GNAS: variants seen among roughly 807,000 people sequenced by gnomAD.
GNAS encodes protein ALEX.
In GNAS, 8 loss-of-function variants were observed where a neutral mutation model predicts 54.5. The ratio of observed to expected loss-of-function variants is 0.15; its 90% CI spans 0.09 to 0.26. The LOEUF (loss-of-function observed/expected upper bound fraction) is 0.26, where lower values mean the gene tolerates loss of function less well. GNAS is among the 10% of genes least tolerant of loss of function. The pLI is 1.00. For missense variants in GNAS, 170 were observed against 529.8 expected, an observed-to-expected ratio of 0.32 and a Z score of 6.67; for synonymous variants, 204 against 191.4, an observed-to-expected ratio of 1.07 and a Z score of -0.54.
chr20:58,865,730 C>T (rs1008821482), intron 1 of GNAS, among the ~76,000 whole-genome samples: 20 of 151,454 alleles, frequency 1.3e-4, no homozygotes, highest in South Asian at 4.2e-4. Context: ...CATGAGCCAC[C>T]GTGTCCAACC....
intron 3 of GNAS, chr20:58,899,505 C>T (rs1171020059): frequency 5.5e-6 from 3 of 542,808 alleles, no homozygotes; most frequent in Middle Eastern, 3.1e-4. Context: ...CGAAAAGCCT[C>T]TGGCCTTTTA....
chr20:58,864,416 T>C (rs1329273113), intron 1 of GNAS, among the ~76,000 whole-genome samples: 3 of 152,148 alleles, frequency 2.0e-5, no homozygotes, highest in Non-Finnish European at 2.9e-5. Context: ...TTTCTGTGGC[T>C]CTACTAGGGC....
At chr20:58,870,158 G>A (rs12625436) in intron 1 of GNAS, among the ~76,000 whole-genome samples, 51,163 of 152,116 alleles carry the variant, frequency 0.34, 10,337 homozygotes, top group East Asian at 0.64. Context: ...TCTCTCTTAA[G>A]ATTGTAAAGT....
rs866834966 is a variant in GNAS at position 58,910,814 on chromosome 20, G to A, written c.1170G>A (p.Gln390=). 3 of 1,614,132 alleles carry A rather than the reference G, an allele frequency of 1.9e-6. No individual in the cohort carries two copies. The highest frequency in any genetic ancestry group is 1.7e-6 in the Non-Finnish European group (2 of 1,179,982). ...TCATTCAGCGCATGCACCTTCGTCAGTACGAGCTGCTCTAAGAAGGGAACC... is the reference window on the plus strand; with the variant it reads ...TCATTCAGCGCATGCACCTTCGTCAATACGAGCTGCTCTAAGAAGGGAACC... ...RDIIQRMHLR[Q]YELL is the part of the protein sequence containing the mutation. The change falls in exon 13 of 13, where the codon CAG becomes CAA. Residue 390 remains glutamine, a synonymous_variant. Transcript: ENST00000371085. This position sits in a 1 kb window ranked among gnomAD's most constrained non-coding sequence, Gnocchi z 5.8.
upstream of GNAS, among the ~76,000 whole-genome samples, chr20:58,891,053 C>A (rs1331712949): frequency 3.3e-5 from 5 of 150,248 alleles, no homozygotes; most frequent in Non-Finnish European, 7.4e-5. Flanking sequence ...GCGTTGGCGT[C>A]GTGCGAGGGG....
chr20:58,881,565 A>G (rs2088223192), intron 1 of GNAS, among the ~76,000 whole-genome samples: 1 of 152,042 alleles, frequency 6.6e-6, no homozygotes, highest in African/African-American at 2.4e-5. Flanking sequence ...TTCCCCTCTT[A>G]CTACATGCTG....
At chr20:58,877,158 T>TC (rs397826480) in intron 1 of GNAS, among the ~76,000 whole-genome samples, 1 of 150,660 alleles carries the variant, frequency 6.6e-6, no homozygotes, top group Non-Finnish European at 1.5e-5. Flanking sequence ...ATTTTTTTTT[T>TC]CCGGTTTTTA....
chr20:58,886,207 G>T (rs1288798294), intron 1 of GNAS, among the ~76,000 whole-genome samples: 3 of 152,228 alleles, frequency 2.0e-5, no homozygotes, highest in East Asian at 3.8e-4. Context: ...CCTGATGTGG[G>T]ACGTTGTTCA....
At chr20:58,890,048 GAAGAACCCC>G (rs2088992075), upstream of GNAS, among the ~76,000 whole-genome samples, 1 of 151,678 alleles carries the variant, frequency 6.6e-6, no homozygotes, top group Non-Finnish European at 1.5e-5. Flanking sequence ...AGAAGCTCGC[GAAGAACCCC>G]AAGAACCCGG....
At chr20:58,871,160 C>T (rs1212330930) in intron 1 of GNAS, among the ~76,000 whole-genome samples, 2 of 152,232 alleles carry the variant, frequency 1.3e-5, no homozygotes, top group African/African-American at 2.4e-5. Context: ...TTGAGGTTCC[C>T]TCCCTTTGTT....
At chr20:58,878,231 A>G (rs999250179) in intron 1 of GNAS, among the ~76,000 whole-genome samples, 1 of 152,218 alleles carries the variant, frequency 6.6e-6, no homozygotes, top group African/African-American at 2.4e-5. Context: ...AGAGAGCCCC[A>G]TGGCCTTGAA....
intron 3 of GNAS, chr20:58,900,192 C>G (rs1420833913): frequency 2.7e-5 from 15 of 565,134 alleles, no homozygotes; most frequent in Non-Finnish European, 4.4e-5. Flanking sequence ...AAAGGCATCT[C>G]TATAAGAAAT....
At chr20:58,902,655 C>T (rs1226154984) in intron 3 of GNAS, among the ~76,000 whole-genome samples, 5 of 149,292 alleles carry the variant, frequency 3.3e-5, no homozygotes, top group African/African-American at 1.2e-4. Context: ...CATGGACCAA[C>T]ATGCACTAAC....
chr20:58,858,862 T>C (rs999851427), intron 1 of GNAS, among the ~76,000 whole-genome samples: 1 of 152,162 alleles, frequency 6.6e-6, no homozygotes, highest in African/African-American at 2.4e-5. Flanking sequence ...GCTTTTGGTG[T>C]GGTAGGAAGG....
chr20:58,892,163 C>G (rs937132632), intron 1 of GNAS: 2 of 967,000 alleles, frequency 2.1e-6, no homozygotes, highest in African/African-American at 1.8e-5. Flanking sequence ...CCCTCTTTCT[C>G]TCTTTCTCTC....
chr20:58,905,599 A>G lies in GNAS; in HGVS notation c.530+119A>G, dbSNP rs2090988689. The stretch of plus-strand genomic sequence containing the variant: ...ATGATTCCTTTCTTAGAAGCCAACC[A>G]GTTACCCCACTGGCAGAAAGTTCTA... On this transcript the variant is annotated intron_variant, in intron 6 of 12. Transcript: ENST00000371085. 3 of 727,234 alleles carry G rather than the reference A, an allele frequency of 4.1e-6. No homozygotes were observed. In the Admixed American group the frequency reaches 5.9e-5, roughly 14 times the overall value. The allele number at this position is 727,234 out of a possible 1,614,324, so 45.0% of individuals were successfully genotyped here.
At chr20:58,865,106 A>G (rs2086979532) in intron 1 of GNAS, among the ~76,000 whole-genome samples, 1 of 152,090 alleles carries the variant, frequency 6.6e-6, no homozygotes, top group Non-Finnish European at 1.5e-5. Context: ...ACATACTGTA[A>G]CTTGCGTATC....
At chr20:58,885,255 A>C (rs887163439) in intron 1 of GNAS, among the ~76,000 whole-genome samples, 2 of 152,124 alleles carry the variant, frequency 1.3e-5, no homozygotes, top group African/African-American at 4.8e-5. Flanking sequence ...GTGCCTCCCC[A>C]TCAGAGAGTC....
At position 58,853,620 on chromosome 20, in the gene GNAS, G is replaced by C. The variant is rs374708636; in HGVS notation, c.43+12734G>C. The C allele has an allele frequency of 1.1e-4, 177 of 1,613,280 alleles. No homozygotes were observed. Among genetic ancestry groups the C allele is most frequent in the Non-Finnish European group, 1.5e-4 (173 of 1,179,896 alleles). ...CTTGGGAGGCTTCTGGCCTACACTG[G>C]AGCAGCCTGGATTCCCCAGTGGGGT... On this transcript the variant is annotated intron_variant, in intron 1 of 12. Coordinates refer to the GNAS transcript ENST00000306090. This position sits in a 1 kb window ranked among gnomAD's most constrained non-coding sequence, Gnocchi z 4.4.
Sources: gnomAD v4.1 joint callset for allele counts (sites outside exome capture counted in the v4.1 genomes callset) on GRCh38, gnomAD v4.1.1 for gene constraint, Gnocchi (gnomAD v3.1) non-coding constraint, MANE v1.5 for transcripts, NCBI Gene and HGNC (gene_info 2026-07-23, HGNC 2026-07-21) for gene names.